The following GPC5 variants were observed in gnomAD, a reference collection of about 807,000 sequenced individuals.
The protein encoded by GPC5 is glypican 5.
GPC5 carries 47 observed loss-of-function variants against 53.9 expected under a neutral mutation model. That is an observed-to-expected ratio of 0.87 (90% CI 0.69 to 1.11). The LOEUF (loss-of-function observed/expected upper bound fraction) is 1.11, where lower values mean the gene tolerates loss of function less well. Ranked by LOEUF, GPC5 falls within the 50% of genes most tolerant of loss-of-function variation. The pLI is 0.00. For missense variants in GPC5, 748 were observed against 713.1 expected (o/e 1.05, Z -0.56); for synonymous variants, 286 against 263.3 (o/e 1.09, Z -0.84).
intron 7 of GPC5, among the ~76,000 whole-genome samples, chr13:92,561,753 T>C (rs528467344): frequency 6.6e-6 from 1 of 152,168 alleles, no homozygotes; most frequent in South Asian, 2.1e-4. Context: ...AAAGAAAGTT[T>C]AGAAGAAAAG....
At chr13:91,951,159 G>A (rs908724326) in intron 6 of GPC5, among the ~76,000 whole-genome samples, 1 of 152,026 alleles carries the variant, frequency 6.6e-6, no homozygotes, top group South Asian at 2.1e-4. Flanking sequence ...AATATTTACT[G>A]AAGAATGAAT....
chr13:92,676,177 A>G (rs182896930), intron 7 of GPC5, among the ~76,000 whole-genome samples: 2 of 152,272 alleles, frequency 1.3e-5, no homozygotes, highest in Admixed American at 6.5e-5. Flanking sequence ...ATACCATTAT[A>G]TAACAGACAT....
intron 7 of GPC5, among the ~76,000 whole-genome samples, chr13:92,384,447 GAC>G (rs752114448): frequency 4.4e-4 from 67 of 151,688 alleles, no homozygotes; most frequent in Non-Finnish European, 7.8e-4. Context: ...GTTCTATTAA[GAC>G]ACAGTATGAC....
chr13:92,187,731 T>C (rs2042194172), intron 7 of GPC5, among the ~76,000 whole-genome samples: 1 of 152,164 alleles, frequency 6.6e-6, no homozygotes, highest in South Asian at 2.1e-4. Context: ...ACTTTTGTCA[T>C]ATTGGGGAAA....
intron 2 of GPC5, among the ~76,000 whole-genome samples, chr13:91,488,983 C>A (rs536736141): frequency 3.3e-5 from 5 of 152,282 alleles, no homozygotes; most frequent in African/African-American, 1.2e-4. Flanking sequence ...TGAAATAAGC[C>A]TGGTCTCCTG....
chr13:92,608,147 C>A (rs1358366209), intron 7 of GPC5, among the ~76,000 whole-genome samples: 1 of 152,132 alleles, frequency 6.6e-6, no homozygotes, highest in Non-Finnish European at 1.5e-5. Context: ...TTCTTGTCAA[C>A]AGTAGGCTAT....
At chr13:92,186,214 T>C (rs1049157355) in intron 7 of GPC5, among the ~76,000 whole-genome samples, 3 of 151,906 alleles carry the variant, frequency 2.0e-5, no homozygotes, top group African/African-American at 7.2e-5. Flanking sequence ...TATATAATTT[T>C]TAATAATTTT....
At chr13:92,573,351 G>A (rs1446440451) in intron 7 of GPC5, among the ~76,000 whole-genome samples, 3 of 152,170 alleles carry the variant, frequency 2.0e-5, no homozygotes, top group African/African-American at 7.2e-5. Flanking sequence ...TAGCTATTAT[G>A]TTAGTAGTCC....
chr13:91,677,106 T>A (rs560786218), intron 2 of GPC5, among the ~76,000 whole-genome samples: 1 of 152,278 alleles, frequency 6.6e-6, no homozygotes, highest in Admixed American at 6.5e-5. Flanking sequence ...TTAAAATAAA[T>A]AATGCTCATG....
chr13:91,592,950 G>T (rs2032857732), intron 2 of GPC5, among the ~76,000 whole-genome samples: 1 of 152,184 alleles, frequency 6.6e-6, no homozygotes, highest in Non-Finnish European at 1.5e-5. Context: ...AGGGAGATGG[G>T]GACCCTGGGC....
chr13:92,560,934 C>T (rs1197593798), intron 7 of GPC5, among the ~76,000 whole-genome samples: 1 of 149,148 alleles, frequency 6.7e-6, no homozygotes, highest in Non-Finnish European at 1.5e-5. Context: ...ACAGCCAAGT[C>T]ATTAAGGATA....
chr13:92,120,825 C>A (rs1004282122), intron 6 of GPC5, among the ~76,000 whole-genome samples: 1 of 152,174 alleles, frequency 6.6e-6, no homozygotes, highest in African/African-American at 2.4e-5. Flanking sequence ...CAGCTCTATG[C>A]AGCTCTGCCT....
chr13:92,458,305 G>C (rs946420363), intron 7 of GPC5, among the ~76,000 whole-genome samples: 36 of 135,828 alleles, frequency 2.7e-4, no homozygotes, highest in Admixed American at 1.5e-3. Flanking sequence ...TCTTTTTTTG[G>C]GGGGGGCAGG....
intron 7 of GPC5, among the ~76,000 whole-genome samples, chr13:92,775,295 G>T (rs1412427871): frequency 1.3e-5 from 2 of 152,000 alleles, no homozygotes; most frequent in Admixed American, 6.6e-5. Flanking sequence ...ATAACAAAGA[G>T]GTAAATGGAT....
intron 7 of GPC5, among the ~76,000 whole-genome samples, chr13:92,794,955 C>T (rs1876605119): frequency 6.6e-6 from 1 of 152,250 alleles, no homozygotes; most frequent in African/African-American, 2.4e-5. Flanking sequence ...AATGACCATA[C>T]TGCCCTAGGT....
chr13:92,044,217 G>A (rs1373893158), intron 6 of GPC5, among the ~76,000 whole-genome samples: 1 of 152,078 alleles, frequency 6.6e-6, no homozygotes, highest in Non-Finnish European at 1.5e-5. Flanking sequence ...TCATTTTAGT[G>A]ACCACTAGCC....
intron 7 of GPC5, among the ~76,000 whole-genome samples, chr13:92,175,014 TA>T: frequency 6.6e-6 from 1 of 152,228 alleles, no homozygotes; most frequent in South Asian, 2.1e-4. Context: ...CACGTCCTGC[TA>T]AATTTTTTTG....
intron 6 of GPC5, among the ~76,000 whole-genome samples, chr13:92,005,883 T>TTAGTTACTCA (rs2040602086): frequency 6.6e-6 from 1 of 152,212 alleles, no homozygotes; most frequent in Non-Finnish European, 1.5e-5. Flanking sequence ...TGCCACTAAA[T>TTAGTTACTCA]TAGTTACTCA....
At chr13:92,282,309 T>A (rs2042921833) in intron 7 of GPC5, among the ~76,000 whole-genome samples, 2 of 152,150 alleles carry the variant, frequency 1.3e-5, no homozygotes, top group Non-Finnish European at 2.9e-5. Flanking sequence ...TGGAACCAAG[T>A]TGGAAAACAC....
Sources: gnomAD v4.1 joint callset for allele counts (sites outside exome capture counted in the v4.1 genomes callset) on GRCh38, gnomAD v4.1.1 for gene constraint, MANE v1.5 for transcripts, NCBI Gene and HGNC (gene_info 2026-07-23, HGNC 2026-07-21) for gene names.